The following CARS1 variants were observed in gnomAD, a reference collection of about 807,000 sequenced individuals.
CARS1 encodes the protein cysteinyl-tRNA synthetase 1.
CARS1 carries 48 observed loss-of-function variants against 106.2 expected under a neutral mutation model. The observed-to-expected ratio is 0.45, with a 90% confidence interval of 0.36 to 0.57. CARS1 has a LOEUF of 0.57. Ranked by LOEUF, CARS1 falls within the 20% of genes least tolerant of loss-of-function variation. The pLI, the probability that CARS1 is intolerant of heterozygous loss-of-function variation, is 0.00. For missense variants in CARS1, 968 were observed against 1,057.2 expected, an observed-to-expected ratio of 0.92 and a Z score of 1.17; for synonymous variants, 409 against 403.4, an observed-to-expected ratio of 1.01 and a Z score of -0.17.
intron 10 of CARS1, 73 bp downstream of exon 10, chr11:3,026,603 G>A (rs1852102896): frequency 6.4e-7 from 1 of 1,555,982 alleles, no homozygotes; most frequent in Non-Finnish European, 8.8e-7. Context: ...AGCCCCCGTG[G>A]CCTGCAAAGT....
At chr11:3,047,218 A>G (rs1420687031) in intron 2 of CARS1, among the ~76,000 whole-genome samples, 2 of 149,710 alleles carry the variant, frequency 1.3e-5, no homozygotes, top group Non-Finnish European at 3.0e-5. Flanking sequence ...TGGAGCTTGC[A>G]GTGAGTGGAG....
intron 10 of CARS1, among the ~76,000 whole-genome samples, chr11:3,024,390 T>C (rs1321500109): frequency 6.6e-6 from 1 of 152,174 alleles, no homozygotes. Flanking sequence ...CCAGACAAGT[T>C]TGTACATTTT....
In CARS1 at chr11:3,050,830, C is replaced by A. The variant is rs1855605853; in HGVS notation, c.26-2829G>T. ...CTCCCTGTCCATATGGCGCCCGCCT[C>A]TAGACCCTGAGCCTGGCTGCTCTTT... On this transcript the variant is annotated intron_variant, in intron 1 of 22. Transcript: ENST00000380525. This position sits in a 1 kb window ranked among gnomAD's most constrained non-coding sequence, Gnocchi z 6.3. Among the ~76,000 whole-genome samples, 1 of 152,238 alleles carries A rather than the reference C, an allele frequency of 6.6e-6. No homozygotes were observed. Among genetic ancestry groups the A allele is most frequent in the Non-Finnish European group, 1.5e-5 (1 of 68,048 alleles).
intron 1 of CARS1, among the ~76,000 whole-genome samples, chr11:3,051,271 G>A (rs1339442237): frequency 6.6e-6 from 1 of 152,258 alleles, no homozygotes; most frequent in Non-Finnish European, 1.5e-5. Flanking sequence ...AGAAAGACAG[G>A]GGTGGACTCT....
At chr11:3,012,086 C>T in intron 18 of CARS1, 109 bp downstream of exon 18, 1 of 1,035,866 alleles carries the variant, frequency 9.7e-7, no homozygotes, top group Non-Finnish European at 1.5e-6. Flanking sequence ...GGCAGCCTTC[C>T]CAGAGGATGA....
rs773539989 is a variant in CARS1, at chr11:3,039,280, C to G, written c.565G>C (p.Ala189Pro). 6.2e-7 allele frequency: 1 copy of G among 1,611,464 alleles called. No homozygotes were observed. Among genetic ancestry groups the G allele is most frequent in the Non-Finnish European group, 8.5e-7 (1 of 1,177,748 alleles). The change falls in exon 6 of 23, where the codon GCC becomes CCC. Residue 189 changes from alanine to proline, a missense_variant. Transcript: ENST00000380525. This position sits in a 1 kb window ranked among gnomAD's most constrained non-coding sequence, Gnocchi z 5.6. ...TGCTCGAACAGGTGGTTCTGCCGGG[C>G]CCTCTTGATGATCTGGGGAGGGAAG... ...TDIDDKIIKR[A>P]RQNHLFEQYR...
intron 10 of CARS1, among the ~76,000 whole-genome samples, chr11:3,023,753 A>AT (rs1028274810): frequency 2.0e-5 from 3 of 152,002 alleles, no homozygotes; most frequent in African/African-American, 7.3e-5. Context: ...CTTCTATATT[A>AT]TTTTTTGAGA....
intron 20 of CARS1, among the ~76,000 whole-genome samples, 157 bp downstream of exon 20, chr11:3,005,209 A>G (rs1383524108): frequency 6.6e-6 from 1 of 151,918 alleles, no homozygotes; most frequent in Non-Finnish European, 1.5e-5. Flanking sequence ...GTCCTTCATT[A>G]GAAGATACTA....
chr11:3,018,410 T>G lies in CARS1; in HGVS notation c.1627A>C (p.Asn543His). Residue 543 changes from asparagine (N) to histidine (H), a missense_variant and splice_region_variant, in exon 14 of 23, where the codon AAT (asparagine) becomes CAT (histidine). Transcript: ENST00000380525. ...CCAGGAAGGGGCTGGGGACTCACAT[T>G]CAAGAACTTCTCATATTGAAGCGCT... ...ESALQYEKFL[N>H]EFFLNVKDIL... 1 of 1,610,178 alleles carries G rather than the reference T, an allele frequency of 6.2e-7. No individual in the cohort carries two copies. The highest frequency in any genetic ancestry group is 8.5e-7 in the Non-Finnish European group (1 of 1,176,466).
At chr11:3,002,722 A>T in intron 20 of CARS1, 122 bp from the exon 21 acceptor site, 1 of 1,487,752 alleles carries the variant, frequency 6.7e-7, no homozygotes. Flanking sequence ...CTGAACTCTG[A>T]CCAGGCCCTC....
At position 3,029,176 on chromosome 11, in the gene CARS1, T is replaced by C. The variant is rs554091666; in HGVS notation, c.943-92A>G. 196 of 1,423,300 alleles carry C rather than the reference T, an allele frequency of 1.4e-4. 1 individual carries two copies. In the South Asian group the frequency reaches 2.2e-3, roughly 16 times the overall value. The allele number at this position is 1,423,300 out of a possible 1,614,324, so 88.2% of individuals were successfully genotyped here. A position where few individuals can be genotyped will look rare whatever the true frequency, so the allele number is the denominator to read the frequency against. ...CCCAATTCATAAAACGAAAAGCCCA[T>C]TATGCCCCTCAACTCAAGTTCAATG... On this transcript the variant is annotated intron_variant, in intron 8 of 22. Transcript: ENST00000380525. This position sits in a 1 kb window ranked among gnomAD's most constrained non-coding sequence, Gnocchi z 5.9.
chr11:3,029,489 C>G lies in CARS1; in HGVS notation c.802-46G>C. On this transcript the variant is annotated intron_variant, in intron 7 of 22. Transcript: ENST00000380525. The surrounding 1 kb of genome is among the most constrained non-coding windows in gnomAD (Gnocchi z 5.9). ...ATCCAGCAGCGGGCCACACACTTCACATGAGAACATCTCGTGCAGCTGGTG... is the reference window on the plus strand; with the variant it reads ...ATCCAGCAGCGGGCCACACACTTCAGATGAGAACATCTCGTGCAGCTGGTG... 1.2e-6 allele frequency: 2 copies of G among 1,601,846 alleles called. No individual in the cohort carries two copies. The highest frequency in any genetic ancestry group is 4.5e-5 in the East Asian group (2 of 44,748).
rs746047780 is a variant in CARS1, at chr11:3,029,079, G to A, written c.948C>T (p.Leu316=). 1 of 1,610,420 alleles carries A rather than the reference G, an allele frequency of 6.2e-7. No homozygotes were observed. The highest frequency in any genetic ancestry group is 8.5e-7 in the Non-Finnish European group (1 of 1,176,664). The change falls in exon 9 of 23, where the codon CTC becomes CTT. Residue 316 remains leucine (L), a synonymous_variant. Coordinates refer to ENST00000380525, the MANE Select transcript of CARS1 (RefSeq NM_001014437.3). This position sits in a 1 kb window ranked among gnomAD's most constrained non-coding sequence, Gnocchi z 5.9. The part of the protein sequence containing the change: ...FHRDMEALNV[L]PPDVLTRVSE... Reference sequence around the variant, plus strand: ...TAACCCGGGTTAAGACATCTGGAGGGAGAACCTGTGCAAGACATGAGAATG... The same window carrying A: ...TAACCCGGGTTAAGACATCTGGAGGAAGAACCTGTGCAAGACATGAGAATG...
At chr11:3,055,239 C>T (rs1856083485) in intron 1 of CARS1, among the ~76,000 whole-genome samples, 1 of 152,158 alleles carries the variant, frequency 6.6e-6, no homozygotes, top group Non-Finnish European at 1.5e-5. Context: ...CGACTCACTG[C>T]AAGCTCCGCC....
chr11:3,039,326 C>CATG lies in CARS1; in HGVS notation c.553-35_553-34insCAT. ...GGAAGGCAGACATTGGGGAGTGATGCTTGGATCCCACATGCATCCCTCTGC... is the reference window on the plus strand; with the variant it reads ...GGAAGGCAGACATTGGGGAGTGATGCATGTTGGATCCCACATGCATCCCTCTGC... On this transcript the variant is annotated intron_variant, in intron 5 of 22. Transcript: ENST00000380525. The surrounding 1 kb of genome is among the most constrained non-coding windows in gnomAD (Gnocchi z 5.6). The CATG allele has an allele frequency of 7.5e-7, 1 of 1,324,942 alleles. No individual in the cohort carries two copies. The highest frequency in any genetic ancestry group is 1.1e-6 in the Non-Finnish European group (1 of 917,008). The allele number at this position is 1,324,942 out of a possible 1,614,324, so 82.1% of individuals were successfully genotyped here.
At position 3,045,892 on chromosome 11, in the gene CARS1, C is replaced by T. The variant is rs371675735; in HGVS notation, c.274+1861G>A. Among the ~76,000 whole-genome samples, 8 of 152,308 alleles carry T rather than the reference C, an allele frequency of 5.3e-5. No individual in the cohort carries two copies. In the South Asian group the frequency reaches 1.4e-3, roughly 28 times the overall value. On this transcript the variant is annotated intron_variant, in intron 2 of 22. Transcript: ENST00000380525. This position sits in a 1 kb window ranked among gnomAD's most constrained non-coding sequence, Gnocchi z 5.6. ...ACATGGGCGAGGACACTACACTGGA[C>T]TCCATGGCGCCTTGGACCCACTCGA... is the stretch of plus-strand genomic sequence containing the variant.
At chr11:3,032,489 C>A (rs749632368) in intron 7 of CARS1, among the ~76,000 whole-genome samples, 23 of 152,156 alleles carry the variant, frequency 1.5e-4, no homozygotes, top group African/African-American at 5.6e-4. Flanking sequence ...TTCCTCCTGG[C>A]AAACTGTGTT....
In CARS1 at chr11:3,047,941, T is replaced by C; in HGVS notation, c.86A>G (p.Asn29Ser). The C allele has an allele frequency of 6.2e-7, 1 of 1,614,160 alleles. No homozygotes were observed. Among genetic ancestry groups the C allele is most frequent in the Non-Finnish European group, 8.5e-7 (1 of 1,180,026 alleles). The change falls in exon 2 of 23, where the codon AAC (asparagine) becomes AGC (serine). Residue 29 changes from asparagine (N) to serine (S), a missense_variant. Coordinates refer to ENST00000380525, the MANE Select transcript of CARS1 (RefSeq NM_001014437.3). ...ATAGCTACGCGTGCTGAGGTGCTCG[T>C]TCAGGGCTTGTGCCCTGGCTGCCTC... ...SDEAARAQAL[N>S]EHLSTRSYVQ... is the part of the protein sequence containing the mutation.
intron 7 of CARS1, among the ~76,000 whole-genome samples, chr11:3,032,304 C>A (rs1852952267): frequency 6.6e-6 from 1 of 152,056 alleles, no homozygotes; most frequent in Admixed American, 6.5e-5. Flanking sequence ...ATCTCTTGAC[C>A]TCATGATCTG....
Sources: gnomAD v4.1 joint callset for allele counts (sites outside exome capture counted in the v4.1 genomes callset) on GRCh38, gnomAD v4.1.1 for gene constraint, Gnocchi (gnomAD v3.1) non-coding constraint, MANE v1.5 for transcripts, NCBI Gene and HGNC (gene_info 2026-07-23, HGNC 2026-07-21) for gene names.